Variants in HECTD4 observed in about 807,000 individuals in gnomAD.
HECTD4 encodes probable E3 ubiquitin-protein ligase HECTD4.
Under a neutral mutation model 471.5 loss-of-function variants are expected in HECTD4, and 114 were observed. The observed-to-expected ratio is 0.24, with a 90% CI of 0.21 to 0.28. The LOEUF (loss-of-function observed/expected upper bound fraction) is 0.28, where lower values mean the gene tolerates loss of function less well. Among genes scored for constraint, HECTD4 ranks in the 10% least tolerant of loss-of-function variants. The pLI is 1.00. For missense variants in HECTD4, 3,866 were observed against 5,651.5 expected (o/e 0.68, Z 10.13); for synonymous variants, 2,012 against 2,256.0 (o/e 0.89, Z 3.07).
intron 11 of HECTD4, among the ~76,000 whole-genome samples, chr12:112,273,407 T>C (rs1285769627): frequency 6.6e-6 from 1 of 152,158 alleles, no homozygotes; most frequent in Non-Finnish European, 1.5e-5. Context: ...AGGAAGGACA[T>C]AACAATTTTC....
chr12:112,272,970 A>T (rs2034449023), intron 11 of HECTD4, among the ~76,000 whole-genome samples: 1 of 152,172 alleles, frequency 6.6e-6, no homozygotes, highest in South Asian at 2.1e-4. Context: ...CTCAATGCAG[A>T]CTGAGGTGGA....
chr12:112,246,849 T>C (rs2033774582), intron 29 of HECTD4, 52 bp downstream of exon 29: 3 of 1,520,336 alleles, frequency 2.0e-6, no homozygotes, highest in Admixed American at 4.1e-5. Context: ...GAACAGAGTA[T>C]ATTCTCTGTT....
chr12:112,344,265 TCAA>T (rs1029679862), intron 1 of HECTD4, among the ~76,000 whole-genome samples: 20 of 152,132 alleles, frequency 1.3e-4, no homozygotes, highest in African/African-American at 4.3e-4. Flanking sequence ...AGGAGAAAAA[TCAA>T]CAACAACTAC....
chr12:112,307,536 T>C (rs934896344), intron 6 of HECTD4, among the ~76,000 whole-genome samples: 4 of 152,246 alleles, frequency 2.6e-5, no homozygotes, highest in Non-Finnish European at 5.9e-5. Flanking sequence ...CTATTTCAAA[T>C]GAGTATGAGA....
chr12:112,199,164 A>T (rs2032337943), intron 55 of HECTD4, among the ~76,000 whole-genome samples: 2 of 152,208 alleles, frequency 1.3e-5, no homozygotes, highest in Non-Finnish European at 2.9e-5. Flanking sequence ...GTCAGTAGGT[A>T]GGGTCAGGGA....
At chr12:112,218,174 T>A (rs1368991831) in intron 45 of HECTD4, among the ~76,000 whole-genome samples, 2 of 151,328 alleles carry the variant, frequency 1.3e-5, no homozygotes, top group Non-Finnish European at 2.9e-5. Flanking sequence ...AAAAAAAAAA[T>A]TCATATAACA....
In HECTD4 at chr12:112,270,256, T is replaced by G. The variant is rs1019582008; in HGVS notation, c.2146A>C (p.Ile716Leu). The stretch of plus-strand genomic sequence containing the variant: ...AAGACAACGAGAATGCAGCGTATAA[T>G]ACAGGTATCTCCATTAACCATGGCC... ...EKAMVNGDTCIIRCILVVFQV... is the reference protein window; with the variant it reads ...EKAMVNGDTCLIRCILVVFQV... Residue 716 changes from isoleucine (I) to leucine (L), a missense_variant, in exon 12 of 76, where the codon ATT becomes CTT. Transcript: ENST00000682272. The G allele has an allele frequency of 1.2e-6, 2 of 1,613,772 alleles. No homozygotes were observed. Among genetic ancestry groups the G allele is most frequent in the African/African-American group, 2.7e-5 (2 of 75,054 alleles).
At chr12:112,336,852 T>C (rs2035967568) in intron 1 of HECTD4, among the ~76,000 whole-genome samples, 1 of 152,178 alleles carries the variant, frequency 6.6e-6, no homozygotes, top group Admixed American at 6.5e-5. Context: ...CTCTTACGTA[T>C]TTTTACAATT....
chr12:112,369,533 T>C (rs1030518286), intron 1 of HECTD4, among the ~76,000 whole-genome samples: 5 of 151,808 alleles, frequency 3.3e-5, no homozygotes, highest in Non-Finnish European at 7.4e-5. Flanking sequence ...TTTGTAGAGA[T>C]GGGGTTTTCC....
intron 49 of HECTD4, 61 bp downstream of exon 49, chr12:112,212,426 T>G: frequency 7.3e-7 from 1 of 1,369,170 alleles, no homozygotes; most frequent in Non-Finnish European, 1.0e-6. Context: ...CATTTTTCCA[T>G]GTCTAACAGG....
chr12:112,183,021 C>G lies in HECTD4; in HGVS notation c.10987+38G>C, dbSNP rs376745014. On this transcript the variant is annotated intron_variant, in intron 62 of 75. Transcript: ENST00000682272. ...TTTCTGTGAGCCTAAAATTGCTCCACAAAAAGTCTACAGATTAAAAACAAA... is the reference window on the plus strand; with the variant it reads ...TTTCTGTGAGCCTAAAATTGCTCCAGAAAAAGTCTACAGATTAAAAACAAA... 15 of 1,506,008 alleles carry G rather than the reference C, an allele frequency of 1.0e-5. No homozygotes were observed. In the African/African-American group the frequency reaches 1.5e-4, roughly 15 times the overall value. 93.3% of individuals were successfully genotyped at this position (1,506,008 alleles called of 1,614,324 possible).
chr12:112,287,928 A>G (rs1050284346), intron 7 of HECTD4, among the ~76,000 whole-genome samples: 10 of 152,044 alleles, frequency 6.6e-5, no homozygotes, highest in Non-Finnish European at 1.3e-4. Flanking sequence ...AGACTGTCAC[A>G]TTGGTGGCCC....
intron 7 of HECTD4, among the ~76,000 whole-genome samples, chr12:112,286,582 C>T (rs771182617): frequency 7.2e-5 from 11 of 151,994 alleles, no homozygotes; most frequent in Non-Finnish European, 1.6e-4. Flanking sequence ...GTCCCTGCTA[C>T]AAGGGAGACT....
chr12:112,186,101 T>A (rs1402369209), intron 60 of HECTD4, among the ~76,000 whole-genome samples: 1 of 151,874 alleles, frequency 6.6e-6, no homozygotes, highest in Non-Finnish European at 1.5e-5. Context: ...GCCTCCTGAG[T>A]AGCTGGGATT....
chr12:112,168,803 G>A (rs1241073555), intron 70 of HECTD4, among the ~76,000 whole-genome samples: 3 of 152,192 alleles, frequency 2.0e-5, no homozygotes, highest in Non-Finnish European at 2.9e-5. Context: ...GGGCAGGTTC[G>A]CTGCTGTGGG....
intron 1 of HECTD4, among the ~76,000 whole-genome samples, chr12:112,324,291 G>A (rs530875904): frequency 6.7e-6 from 1 of 150,006 alleles, no homozygotes; most frequent in Non-Finnish European, 1.5e-5. Context: ...CTAATTTTTT[G>A]TATTTTTTGT....
rs2030687800 is a variant in HECTD4, at chr12:112,161,459, T to G, written c.*928A>C. 6.6e-6 allele frequency: 1 copy of G among 152,204 alleles called. No individual in the cohort carries two copies. The highest frequency in any genetic ancestry group is 2.1e-4 in the South Asian group (1 of 4,826). The allele number at this position is 152,204 out of a possible 1,614,324, so 9.4% of individuals were successfully genotyped here. On this transcript the variant is annotated 3_prime_UTR_variant, in exon 76 of 76. Coordinates refer to ENST00000682272, the MANE Select transcript of HECTD4 (RefSeq NM_001388303.1). Reference sequence around the variant, plus strand: ...TCTTTTGAAAATGGGTGTGGCCCTTTCCCTTGTCCTACGTCACTGCAGGGA... The same window carrying G: ...TCTTTTGAAAATGGGTGTGGCCCTTGCCCTTGTCCTACGTCACTGCAGGGA...
intron 5 of HECTD4, among the ~76,000 whole-genome samples, chr12:112,309,286 C>G (rs890250521): frequency 6.6e-6 from 1 of 152,090 alleles, no homozygotes; most frequent in African/African-American, 2.4e-5. Flanking sequence ...GATATTGTTA[C>G]AAAAATACTG....
chr12:112,208,622 T>C lies in HECTD4; in HGVS notation c.7876A>G (p.Ser2626Gly). The change falls in exon 51 of 76, where the codon AGT (serine) becomes GGT (glycine). Residue 2626 changes from serine (S) to glycine (G), a missense_variant. Transcript: ENST00000682272. Reference sequence around the variant, plus strand: ...ACTTTATAATGACAGGAGGTGTCACTATCATATTCTGTAACAGAGCACAAG... The same window carrying C: ...ACTTTATAATGACAGGAGGTGTCACCATCATATTCTGTAACAGAGCACAAG... ...AVATAQQQYD[S>G]DTSCHYKVEL... The C allele has an allele frequency of 3.2e-6, 5 of 1,580,924 alleles. No homozygotes were observed. Among genetic ancestry groups the C allele is most frequent in the Non-Finnish European group, 4.3e-6 (5 of 1,167,548 alleles).
Sources: gnomAD v4.1 joint callset for allele counts (sites outside exome capture counted in the v4.1 genomes callset) on GRCh38, gnomAD v4.1.1 for gene constraint, MANE v1.5 for transcripts, NCBI Gene and HGNC (gene_info 2026-07-23, HGNC 2026-07-21) for gene names.